LRFN5: variants seen among roughly 807,000 people sequenced by gnomAD.
LRFN5 encodes the protein leucine rich repeat and fibronectin type III domain containing 5.
Under a neutral mutation model 45.6 loss-of-function variants are expected in LRFN5, and 24 were observed. That is an observed-to-expected ratio of 0.53 (90% CI 0.38 to 0.74). The LOEUF (loss-of-function observed/expected upper bound fraction) is 0.74, where lower values mean the gene tolerates loss of function less well. LRFN5 is among the 30% of genes least tolerant of loss of function. LRFN5 has a pLI of 0.00. For missense variants in LRFN5, 776 were observed against 861.5 expected, an observed-to-expected ratio of 0.90 and a Z score of 1.24; for synonymous variants, 340 against 313.8, an observed-to-expected ratio of 1.08 and a Z score of -0.88.
chr14:41,783,765 C>T (rs1276328803), intron 2 of LRFN5, among the ~76,000 whole-genome samples: 1 of 151,774 alleles, frequency 6.6e-6, no homozygotes, highest in Non-Finnish European at 1.5e-5. Context: ...TACATAAGTC[C>T]TTTGTAAATT....
intron 2 of LRFN5, among the ~76,000 whole-genome samples, chr14:41,847,497 T>C (rs1188819343): frequency 1.3e-5 from 2 of 152,120 alleles, no homozygotes; most frequent in African/African-American, 4.8e-5. Flanking sequence ...AACTCCTTAA[T>C]ACTTCTCAAA....
chr14:41,639,831 A>G (rs1027382460), intron 1 of LRFN5, among the ~76,000 whole-genome samples: 2 of 151,802 alleles, frequency 1.3e-5, no homozygotes, highest in African/African-American at 2.4e-5. Flanking sequence ...TTCCCAGGCT[A>G]GAGTGCAGTA....
At chr14:41,881,093 G>T (rs898962491) in intron 2 of LRFN5, among the ~76,000 whole-genome samples, 1 of 152,030 alleles carries the variant, frequency 6.6e-6, no homozygotes, top group Non-Finnish European at 1.5e-5. Flanking sequence ...CATCCCATTC[G>T]TGTTTGAAGT....
chr14:41,687,855 A>G (rs1226045317), intron 1 of LRFN5, among the ~76,000 whole-genome samples: 1 of 152,246 alleles, frequency 6.6e-6, no homozygotes, highest in Non-Finnish European at 1.5e-5. Flanking sequence ...GAGGATGGTT[A>G]ATAGATGCAG....
intron 1 of LRFN5, among the ~76,000 whole-genome samples, chr14:41,723,689 A>C (rs1281442599): frequency 6.6e-6 from 1 of 152,102 alleles, no homozygotes; most frequent in Admixed American, 6.6e-5. Flanking sequence ...CCAGAGCTGC[A>C]GCAGCTCTTC....
intron 1 of LRFN5, among the ~76,000 whole-genome samples, chr14:41,729,523 CAG>C (rs1383356096): frequency 6.6e-6 from 1 of 152,020 alleles, no homozygotes; most frequent in Non-Finnish European, 1.5e-5. Context: ...GTAACACAAA[CAG>C]AGTAATACAA....
intron 1 of LRFN5, among the ~76,000 whole-genome samples, chr14:41,683,695 C>T (rs1882001326): frequency 6.6e-6 from 1 of 151,832 alleles, no homozygotes; most frequent in Admixed American, 6.6e-5. Context: ...ACCTCATTTA[C>T]AATAGGTACA....
intron 1 of LRFN5, among the ~76,000 whole-genome samples, chr14:41,693,385 T>C (rs1882466419): frequency 6.6e-6 from 1 of 152,136 alleles, no homozygotes; most frequent in African/African-American, 2.4e-5. Context: ...TTTGCTTTTA[T>C]TATGGGACCT....
chr14:41,800,177 A>G (rs1260745046), intron 2 of LRFN5, among the ~76,000 whole-genome samples: 1 of 152,028 alleles, frequency 6.6e-6, no homozygotes, highest in Non-Finnish European at 1.5e-5. Context: ...ATCACATCCT[A>G]TAATTATTTG....
At chr14:41,755,468 A>G (rs1215014703) in intron 1 of LRFN5, among the ~76,000 whole-genome samples, 1 of 152,176 alleles carries the variant, frequency 6.6e-6, no homozygotes, top group Non-Finnish European at 1.5e-5. Flanking sequence ...GTGCCTATAT[A>G]TTTAGGATAG....
chr14:41,734,041 T>C (rs1220395841), intron 1 of LRFN5, among the ~76,000 whole-genome samples: 1 of 145,742 alleles, frequency 6.9e-6, no homozygotes. Context: ...TTTTTTTTTT[T>C]TGTGATGGAG....
intron 1 of LRFN5, among the ~76,000 whole-genome samples, chr14:41,663,954 G>A (rs1880776758): frequency 6.6e-6 from 1 of 151,924 alleles, no homozygotes. Flanking sequence ...ACTTATATTG[G>A]ATTACAATCA....
At chr14:41,876,585 T>C (rs1427722990) in intron 2 of LRFN5, among the ~76,000 whole-genome samples, 2 of 152,042 alleles carry the variant, frequency 1.3e-5, no homozygotes, top group African/African-American at 2.4e-5. Context: ...CGTGAGCCAC[T>C]GTGCCCAGCC....
At chr14:41,691,562 T>C (rs1271472123) in intron 1 of LRFN5, among the ~76,000 whole-genome samples, 2 of 152,072 alleles carry the variant, frequency 1.3e-5, no homozygotes, top group Admixed American at 6.5e-5. Flanking sequence ...TGCATATACA[T>C]ATATATACAT....
chr14:41,769,446 G>A (rs1886001150), intron 2 of LRFN5, among the ~76,000 whole-genome samples: 1 of 152,230 alleles, frequency 6.6e-6, no homozygotes, highest in South Asian at 2.1e-4. Flanking sequence ...CAGCAAATGT[G>A]CCTGTAGGTA....
chr14:41,699,302 G>A (rs984453517), intron 1 of LRFN5: 2 of 152,076 alleles, frequency 1.3e-5, no homozygotes, highest in African/African-American at 4.8e-5. Flanking sequence ...GCAAGGAGCT[G>A]GAACCTAGTT....
In LRFN5 at chr14:41,822,853, G is replaced by GTTTTT. The variant is rs3032270; in HGVS notation, c.-21+55835_-21+55839dup. ...ATTGGTTGCATATATATTTAGGGTT[G>GTTTTT]TTTTTTTTTTTTTTTGCTGCATTGA... On this transcript the variant is annotated intron_variant, in intron 2 of 5. Transcript: ENST00000298119. Among the ~76,000 whole-genome samples the GTTTTT allele has an allele frequency of 1.8e-3, 241 of 136,254 alleles. 2 individuals are homozygous for GTTTTT. The highest frequency in any genetic ancestry group is 2.7e-3 in the African/African-American group (99 of 37,020). The allele number at this position is 136,254 out of a possible 152,430, so 89.4% of individuals were successfully genotyped here. A position where few individuals can be genotyped will look rare whatever the true frequency, so the allele number is the denominator to read the frequency against.
intron 1 of LRFN5, among the ~76,000 whole-genome samples, chr14:41,686,447 A>T (rs1882126331): frequency 6.6e-6 from 1 of 151,924 alleles, no homozygotes; most frequent in African/African-American, 2.4e-5. Flanking sequence ...TCCTATTTGA[A>T]TACCCTTTAT....
At chr14:41,744,949 T>G (rs1032640854) in intron 1 of LRFN5, among the ~76,000 whole-genome samples, 1 of 152,100 alleles carries the variant, frequency 6.6e-6, no homozygotes, top group African/African-American at 2.4e-5. Context: ...GTTGGATACT[T>G]CAATACTTCA....
Sources: allele counts gnomAD v4.1 joint callset (sites outside exome capture counted in the v4.1 genomes callset), GRCh38; gene constraint gnomAD v4.1.1; transcripts MANE v1.5; gene names NCBI Gene and HGNC (gene_info 2026-07-23, HGNC 2026-07-21).